SLC16A2: variants seen among roughly 807,000 people sequenced by gnomAD.
SLC16A2 encodes the protein monocarboxylate transporter 8.
In SLC16A2, 3 loss-of-function variants were observed where a neutral mutation model predicts 27.2. The ratio of observed to expected loss-of-function variants is 0.11; its 90% CI spans 0.05 to 0.28. The LOEUF (loss-of-function observed/expected upper bound fraction) is 0.28. SLC16A2 is among the 10% of genes least tolerant of loss of function. SLC16A2 has a pLI of 1.00. For synonymous variants in SLC16A2, 202 were observed against 187.8 expected, an observed-to-expected ratio of 1.08 and a Z score of -0.62; for missense variants, 295 against 458.5, an observed-to-expected ratio of 0.64 and a Z score of 3.26.
chrX:74,473,469 C>A (rs1929399186), intron 1 of SLC16A2: 4 of 546,191 alleles, frequency 7.3e-6, no homozygotes, highest in Middle Eastern at 5.3e-4. Flanking sequence ...ACAGTCTTAT[C>A]CATGGAGTCA....
At chrX:74,431,610 G>A (rs138890805) in intron 1 of SLC16A2, among the ~76,000 whole-genome samples, 1,852 of 111,505 alleles carry the variant, frequency 0.017, 40 homozygotes, top group African/African-American at 0.058. Flanking sequence ...CATGTACACC[G>A]GAACCTAAAA....
chrX:74,452,644 CAT>C (rs774311519), intron 1 of SLC16A2, among the ~76,000 whole-genome samples: 6 of 111,198 alleles, frequency 5.4e-5, no homozygotes, highest in African/African-American at 2.0e-4. Flanking sequence ...CATCACGACA[CAT>C]ATGTGATGTA....
intron 1 of SLC16A2, among the ~76,000 whole-genome samples, chrX:74,514,369 A>G (rs1451989855): frequency 9.0e-6 from 1 of 110,828 alleles, no homozygotes; most frequent in Admixed American, 9.6e-5. Context: ...GCCTAACACC[A>G]TGGGAAAAAA....
intron 1 of SLC16A2, among the ~76,000 whole-genome samples, chrX:74,461,906 G>A (rs776667324): frequency 9.0e-6 from 1 of 111,394 alleles, no homozygotes; most frequent in African/African-American, 3.3e-5. Context: ...AGGATGCTTT[G>A]TCCCAAGCCC....
intron 3 of SLC16A2, 56 bp from the exon 4 acceptor site, chrX:74,525,694 C>T (rs1479784111): frequency 2.5e-6 from 3 of 1,190,769 alleles, no homozygotes; most frequent in Admixed American, 2.2e-5. Context: ...TACAGTTAAC[C>T]AGTCAGCTCC....
intron 1 of SLC16A2, among the ~76,000 whole-genome samples, chrX:74,447,370 C>A (rs1161504704): frequency 9.0e-6 from 1 of 111,558 alleles, no homozygotes; most frequent in Non-Finnish European, 1.9e-5. Context: ...AAGGGAGTTG[C>A]ATGATAAAAA....
At position 74,531,533 on chromosome X, in the gene SLC16A2, A is replaced by T; in HGVS notation, c.1600A>T (p.Asn534Tyr). Residue 534 changes from asparagine (N) to tyrosine (Y), a missense_variant, in exon 6 of 6, where the codon AAC (asparagine) becomes TAC (tyrosine). Asn to Tyr is a moderately radical substitution (Grantham distance 143, BLOSUM62 -2). Around this residue, in one of 3 missense-constraint regions of SLC16A2, gnomAD observed 144 missense variants for 219.8 expected, o/e 0.66. Coordinates refer to ENST00000587091, the MANE Select transcript of SLC16A2 (RefSeq NM_006517.5). Reference protein sequence around the residue: ...PNGELLPGSPNPEEPI With the variant: ...PNGELLPGSPYPEEPI ...TGGGGAGCTACTGCCGGGCTCCCCC[A>T]ACCCTGAGGAACCAATCTAATGCCT... 1 of 1,202,589 alleles carries T rather than the reference A, an allele frequency of 8.3e-7. No individual in the cohort carries two copies. Among genetic ancestry groups the T allele is most frequent in the Non-Finnish European group, 1.1e-6 (1 of 888,151 alleles).
chrX:74,482,932 T>C (rs1346694147), intron 1 of SLC16A2, among the ~76,000 whole-genome samples: 1 of 112,011 alleles, frequency 8.9e-6, no homozygotes, highest in Non-Finnish European at 1.9e-5. Context: ...CTTAAACTCC[T>C]GGACTCAAGT....
At chrX:74,479,649 C>T (rs1370113209) in intron 1 of SLC16A2, among the ~76,000 whole-genome samples, 1 of 111,960 alleles carries the variant, frequency 8.9e-6, no homozygotes, top group Non-Finnish European at 1.9e-5. Flanking sequence ...TGGTGATGTA[C>T]AGATGGGGTT....
At chrX:74,486,772 A>G (rs576261078) in intron 1 of SLC16A2, among the ~76,000 whole-genome samples, 1 of 112,359 alleles carries the variant, frequency 8.9e-6, no homozygotes, top group South Asian at 3.7e-4. Flanking sequence ...GCTGCTATAA[A>G]GACACATGCA....
chrX:74,467,235 T>C (rs1284386034), intron 1 of SLC16A2, among the ~76,000 whole-genome samples: 1 of 111,617 alleles, frequency 9.0e-6, no homozygotes, highest in East Asian at 2.8e-4. Flanking sequence ...GAACCCCTCA[T>C]GATATAGACA....
chrX:74,496,252 ACACACACACACACACACACACACG>A (rs1419179145), intron 1 of SLC16A2, among the ~76,000 whole-genome samples: 1 of 60,973 alleles, frequency 1.6e-5, no homozygotes, highest in Non-Finnish European at 4.8e-5. Context: ...AAGACAGAAA[ACACACACACACACACACACACACG>A]CACACACACA....
At position 74,421,664 on chromosome X, in the gene SLC16A2, G is replaced by T; in HGVS notation, c.27G>T (p.Glu9Asp). The change falls in exon 1 of 6, where the codon GAG (glutamate) becomes GAT (aspartate). Residue 9 changes from glutamate (E) to aspartate (D), a missense_variant. Glu to Asp is a conservative substitution (Grantham distance 45, BLOSUM62 2). Around this residue, in one of 3 missense-constraint regions of SLC16A2, gnomAD observed 92 missense variants for 85.1 expected, o/e 1.08. Coordinates refer to ENST00000587091, the MANE Select transcript of SLC16A2 (RefSeq NM_006517.5). ...TGGCGCTGCAAAGCCAGGCGAGCGA[G>T]GAAGCAAAGGGGCCCTGGCAGGAGG... MALQSQASEEAKGPWQEAD... is the reference protein window; with the variant it reads MALQSQASDEAKGPWQEAD... 2 of 1,202,761 alleles carry T rather than the reference G, an allele frequency of 1.7e-6. No homozygotes were observed. Among genetic ancestry groups the T allele is most frequent in the Non-Finnish European group, 2.2e-6 (2 of 892,943 alleles).
At chrX:74,441,951 G>A (rs973335672) in intron 1 of SLC16A2, among the ~76,000 whole-genome samples, 3 of 110,712 alleles carry the variant, frequency 2.7e-5, no homozygotes, top group East Asian at 2.8e-4. Flanking sequence ...ATTTGCAGCC[G>A]GGTGCCATGG....
At chrX:74,442,906 G>A (rs780373459) in intron 1 of SLC16A2, among the ~76,000 whole-genome samples, 8 of 111,895 alleles carry the variant, frequency 7.1e-5, no homozygotes, top group Non-Finnish European at 1.5e-4. Flanking sequence ...GCAGTGAGCC[G>A]AGATTGTGCC....
intron 1 of SLC16A2, among the ~76,000 whole-genome samples, chrX:74,468,383 G>T (rs944873765): frequency 9.0e-6 from 1 of 111,713 alleles, no homozygotes; most frequent in African/African-American, 3.2e-5. Context: ...CTTTTGACTG[G>T]CTTTTCTTCA....
chrX:74,423,209 C>G (rs1928343562), intron 1 of SLC16A2, among the ~76,000 whole-genome samples: 1 of 112,185 alleles, frequency 8.9e-6, no homozygotes, highest in Non-Finnish European at 1.9e-5. Context: ...AAGGCTTGCT[C>G]CCTCTCGTGG....
chrX:74,487,513 A>G (rs1353244445), intron 1 of SLC16A2, among the ~76,000 whole-genome samples: 1 of 112,104 alleles, frequency 8.9e-6, no homozygotes, highest in East Asian at 2.8e-4. Flanking sequence ...TTTGGATCAC[A>G]TATACTTATC....
At chrX:74,475,767 G>C (rs1929464239) in intron 1 of SLC16A2, among the ~76,000 whole-genome samples, 2 of 111,516 alleles carry the variant, frequency 1.8e-5, no homozygotes, top group South Asian at 7.6e-4. Flanking sequence ...TTTTTCTCAG[G>C]TTTGTCAAAG....
Sources: gnomAD v4.1 joint callset for allele counts (sites outside exome capture counted in the v4.1 genomes callset) on GRCh38, gnomAD v4.1.1 for gene constraint, gnomAD v4.1.1 regional missense constraint, MANE v1.5 for transcripts, NCBI Gene and HGNC (gene_info 2026-07-23, HGNC 2026-07-21) for gene names.